The following DIS3L2 variants were observed in gnomAD, a reference collection of about 807,000 sequenced individuals.
The protein encoded by DIS3L2 is DIS3-like exonuclease 2.
In DIS3L2, 34 loss-of-function variants were observed where a neutral mutation model predicts 97.5. The observed-to-expected ratio is 0.35, with a 90% CI of 0.27 to 0.46. DIS3L2 has a LOEUF of 0.46. Among genes scored for constraint, DIS3L2 ranks in the 20% least tolerant of loss-of-function variants. The pLI, the probability that DIS3L2 is intolerant of heterozygous loss-of-function variation, is 1.00. For synonymous variants in DIS3L2, 435 were observed against 445.2 expected (o/e 0.98, Z 0.29); for missense variants, 1,038 against 1,146.0 (o/e 0.91, Z 1.36).
intron 9 of DIS3L2, among the ~76,000 whole-genome samples, chr2:232,187,321 T>C (rs1691468091): frequency 6.6e-6 from 1 of 152,192 alleles, no homozygotes; most frequent in Non-Finnish European, 1.5e-5. Context: ...TGTAAAATGG[T>C]GCAGCCATTT....
At chr2:232,315,917 C>A (rs1303885311) in intron 14 of DIS3L2, among the ~76,000 whole-genome samples, 1 of 152,218 alleles carries the variant, frequency 6.6e-6, no homozygotes, top group Non-Finnish European at 1.5e-5. Flanking sequence ...CCCCATGTGA[C>A]CCCACACCTA....
At chr2:232,321,764 C>T (rs983549040) in intron 14 of DIS3L2, among the ~76,000 whole-genome samples, 1 of 152,210 alleles carries the variant, frequency 6.6e-6, no homozygotes, top group Non-Finnish European at 1.5e-5. Context: ...CATCCAACTG[C>T]AGCGGGACAG....
chr2:232,018,205 T>G (rs1181315310), intron 3 of DIS3L2, among the ~76,000 whole-genome samples: 1 of 152,224 alleles, frequency 6.6e-6, no homozygotes, highest in African/African-American at 2.4e-5. Context: ...GCAGTGATAT[T>G]AGCTTCAGCT....
At chr2:232,322,851 G>A (rs1470259129) in intron 14 of DIS3L2, among the ~76,000 whole-genome samples, 1 of 152,182 alleles carries the variant, frequency 6.6e-6, no homozygotes, top group Non-Finnish European at 1.5e-5. Flanking sequence ...TTTTAAAACC[G>A]AAGTCGATGC....
At chr2:232,142,549 T>G (rs1375498122) in intron 8 of DIS3L2, among the ~76,000 whole-genome samples, 2 of 152,218 alleles carry the variant, frequency 1.3e-5, no homozygotes, top group African/African-American at 4.8e-5. Flanking sequence ...TCCTCTTTGC[T>G]TTCTTCATAT....
chr2:232,329,785 T>TACCCGGG, intron 14 of DIS3L2, 28 bp from the exon 15 acceptor site: 1 of 967,144 alleles, frequency 1.0e-6, no homozygotes, highest in Non-Finnish European at 1.5e-6. Context: ...ACCCCAGCGG[T>TACCCGGG]CCCTCCCATC....
At chr2:232,282,679 A>C (rs779765888) in intron 13 of DIS3L2, among the ~76,000 whole-genome samples, 1 of 152,194 alleles carries the variant, frequency 6.6e-6, no homozygotes, top group African/African-American at 2.4e-5. Context: ...GTATCCATGC[A>C]GCACCTAATT....
intron 14 of DIS3L2, among the ~76,000 whole-genome samples, chr2:232,321,939 G>A (rs952264807): frequency 1.3e-5 from 2 of 152,238 alleles, no homozygotes; most frequent in African/African-American, 4.8e-5. Flanking sequence ...GCAGGCCAGG[G>A]GAAAGGCTCT....
At chr2:232,230,123 CA>C (rs1692750459) in intron 10 of DIS3L2, among the ~76,000 whole-genome samples, 1 of 152,144 alleles carries the variant, frequency 6.6e-6, no homozygotes, top group Admixed American at 6.5e-5. Context: ...TGTAAGATTA[CA>C]TAACGAATAC....
chr2:231,967,226 T>C (rs1574770342), intron 1 of DIS3L2, among the ~76,000 whole-genome samples: 1 of 152,072 alleles, frequency 6.6e-6, no homozygotes, highest in Non-Finnish European at 1.5e-5. Context: ...CACGGAGAGG[T>C]TGTGTGACCC....
intron 10 of DIS3L2, among the ~76,000 whole-genome samples, chr2:232,215,519 T>C (rs184506010): frequency 6.6e-6 from 1 of 152,156 alleles, no homozygotes; most frequent in East Asian, 1.9e-4. Flanking sequence ...TGCATGACAT[T>C]TTTTGGGGAG....
downstream of DIS3L2, among the ~76,000 whole-genome samples, chr2:232,338,307 G>A (rs533831220): frequency 6.0e-4 from 92 of 152,248 alleles, no homozygotes; most frequent in African/African-American, 1.8e-3. Flanking sequence ...GCACAGACCC[G>A]GACGGACACC....
chr2:232,339,530 G>A (rs1397011001), downstream of DIS3L2, among the ~76,000 whole-genome samples: 2 of 152,232 alleles, frequency 1.3e-5, no homozygotes, highest in Admixed American at 6.5e-5. Context: ...TGTGTGGCCT[G>A]AGGACAGTGC....
intron 6 of DIS3L2, among the ~76,000 whole-genome samples, chr2:232,090,194 C>G (rs578194877): frequency 6.6e-6 from 1 of 152,246 alleles, no homozygotes; most frequent in African/African-American, 2.4e-5. Context: ...TTTGGCCTCC[C>G]AAAGCGCTGG....
At chr2:232,110,890 TA>T (rs879405561) in intron 6 of DIS3L2, among the ~76,000 whole-genome samples, 202 of 141,838 alleles carry the variant, frequency 1.4e-3, no homozygotes, top group Middle Eastern at 3.6e-3. Context: ...AGTTGGAAAT[TA>T]AAAAAAAAAA....
At chr2:232,142,887 A>G (rs773223568) in intron 8 of DIS3L2, among the ~76,000 whole-genome samples, 2 of 152,146 alleles carry the variant, frequency 1.3e-5, no homozygotes, top group Non-Finnish European at 2.9e-5. Context: ...CCACTTGTAC[A>G]TTCTCAGGGC....
At chr2:232,043,285 G>A (rs1695156662) in intron 5 of DIS3L2, among the ~76,000 whole-genome samples, 1 of 152,062 alleles carries the variant, frequency 6.6e-6, no homozygotes, top group Non-Finnish European at 1.5e-5. Context: ...GAGCCAAGGA[G>A]GGCCACATTT....
At chr2:232,014,244 G>A (rs992686399) in intron 1 of DIS3L2, among the ~76,000 whole-genome samples, 1 of 152,214 alleles carries the variant, frequency 6.6e-6, no homozygotes, top group South Asian at 2.1e-4. Flanking sequence ...GTGATGGCAG[G>A]TAAGAGTAGG....
At chr2:232,133,989 A>AAAAAAAAAAAT (rs1194608319) in intron 7 of DIS3L2, among the ~76,000 whole-genome samples, 1 of 116,790 alleles carries the variant, frequency 8.6e-6, no homozygotes, top group Admixed American at 8.7e-5. Flanking sequence ...CTCTGTCTCA[A>AAAAAAAAAAAT]AAAAAAAAAA....
Sources: gnomAD v4.1 joint callset for allele counts (sites outside exome capture counted in the v4.1 genomes callset) on GRCh38, gnomAD v4.1.1 for gene constraint, MANE v1.5 for transcripts, NCBI Gene and HGNC (gene_info 2026-07-23, HGNC 2026-07-21) for gene names.